Variants in RANBP2 observed in about 807,000 individuals in gnomAD.
RANBP2 encodes the protein E3 SUMO-protein ligase RanBP2.
RANBP2 carries 57 observed loss-of-function variants against 303.6 expected under a neutral mutation model. The ratio of observed to expected loss-of-function variants is 0.19; its 90% CI spans 0.15 to 0.23. The LOEUF is 0.23. Among genes scored for constraint, RANBP2 ranks in the 10% least tolerant of loss-of-function variants. RANBP2 has a pLI of 1.00. For missense variants in RANBP2, 3,138 were observed against 3,780.8 expected (o/e 0.83, Z 4.46); for synonymous variants, 1,167 against 1,301.5 (o/e 0.90, Z 2.23).
At chr2:109,453,806 G>A in the RANBP2 span, among the ~76,000 whole-genome samples, 4 of 152,196 alleles carry the variant, frequency 2.6e-5, no homozygotes, top group African/African-American at 7.2e-5. Flanking sequence ...GAGGGTCACC[G>A]ACAAAGGCGC....
chr2:109,034,270 CAAA>C, the RANBP2 span, among the ~76,000 whole-genome samples: 5 of 38,108 alleles, frequency 1.3e-4, no homozygotes, highest in East Asian at 1.8e-3. Context: ...GACTCCATCT[CAAA>C]AAAAAAAAAA....
the RANBP2 span, among the ~76,000 whole-genome samples, chr2:109,486,817 C>T: frequency 6.6e-6 from 1 of 152,162 alleles, no homozygotes; most frequent in East Asian, 1.9e-4. Flanking sequence ...CGACAGCAGC[C>T]CATCACTTCC....
At chr2:108,975,198 TG>T in the RANBP2 span, among the ~76,000 whole-genome samples, 1 of 152,132 alleles carries the variant, frequency 6.6e-6, no homozygotes, top group East Asian at 1.9e-4. Flanking sequence ...CCAGCCTGTG[TG>T]GGAAGGGGCA....
the RANBP2 span, among the ~76,000 whole-genome samples, chr2:108,931,492 T>TC: frequency 1.3e-5 from 2 of 152,182 alleles, no homozygotes; most frequent in Admixed American, 1.3e-4. Flanking sequence ...TTAGTGTTCT[T>TC]CCCTCTCTCT....
the RANBP2 span, among the ~76,000 whole-genome samples, chr2:108,907,622 TGGGTG>T: frequency 6.6e-6 from 1 of 150,960 alleles, no homozygotes; most frequent in Non-Finnish European, 1.5e-5. Context: ...CACTCCAGGC[TGGGTG>T]ACAGAGCAAG....
chr2:109,412,577 G>A, the RANBP2 span, among the ~76,000 whole-genome samples: 39 of 152,166 alleles, frequency 2.6e-4, no homozygotes, highest in Non-Finnish European at 5.3e-4. Context: ...AGCCCCTGCT[G>A]GTGCTGCAGG....
the RANBP2 span, among the ~76,000 whole-genome samples, chr2:109,150,950 G>T: frequency 6.6e-6 from 1 of 152,304 alleles, no homozygotes; most frequent in East Asian, 1.9e-4. Flanking sequence ...TTATTTCAAG[G>T]TGCTGATGGG....
the RANBP2 span, among the ~76,000 whole-genome samples, chr2:109,485,949 G>A: frequency 6.6e-6 from 1 of 152,220 alleles, no homozygotes; most frequent in African/African-American, 2.4e-5. Flanking sequence ...CCTTCTGTCT[G>A]GGAAGGTGGG....
At chr2:109,240,260 G>A in the RANBP2 span, among the ~76,000 whole-genome samples, 4 of 152,164 alleles carry the variant, frequency 2.6e-5, no homozygotes. Flanking sequence ...AGCACTTTGG[G>A]AGGCCCAGGA....
the RANBP2 span, chr2:108,846,693 T>G: frequency 2.6e-6 from 4 of 1,526,776 alleles, no homozygotes; most frequent in Non-Finnish European, 3.6e-6. Context: ...AAAGATATAT[T>G]CTGAACATGA....
At chr2:109,518,328 A>G in the RANBP2 span, among the ~76,000 whole-genome samples, 2 of 151,992 alleles carry the variant, frequency 1.3e-5, no homozygotes, top group Non-Finnish European at 2.9e-5. Flanking sequence ...TGGGCCCTTT[A>G]CTCCATCATC....
Position 108,762,105 on chromosome 2 carries a change from A to C in RANBP2, c.2607A>C (p.Ala869=). 2 of 1,596,578 alleles carry C rather than the reference A, an allele frequency of 1.3e-6. No individual in the cohort carries two copies. ...ATTTTCTTTTTGTTTTTTTAGTTGCAACTACTGGCCCTTCAGTATATTATA... is the reference window on the plus strand; with the variant it reads ...ATTTTCTTTTTGTTTTTTTAGTTGCCACTACTGGCCCTTCAGTATATTATA... ...QTFHGAPLTV[A]TTGPSVYYSQ... The change falls in exon 19 of 29, where the codon GCA becomes GCC. Residue 869 remains alanine, a synonymous_variant. Coordinates refer to ENST00000283195, the MANE Select transcript of RANBP2 (RefSeq NM_006267.5).
At chr2:109,714,254 TTG>T in the RANBP2 span, among the ~76,000 whole-genome samples, 68 of 149,268 alleles carry the variant, frequency 4.6e-4, no homozygotes, top group East Asian at 1.8e-3. Context: ...CCTGGCTAAT[TTG>T]TGTGTGTGTG....
the RANBP2 span, among the ~76,000 whole-genome samples, chr2:109,287,303 T>G: frequency 9.4e-4 from 143 of 152,334 alleles, no homozygotes; most frequent in African/African-American, 3.3e-3. Context: ...GGATTCCTGA[T>G]GCCCTGGTGG....
intron 24 of RANBP2, 51 bp from the exon 25 acceptor site, chr2:108,777,079 T>C (rs760216762): frequency 6.6e-7 from 1 of 1,519,574 alleles, no homozygotes; most frequent in East Asian, 2.3e-5. Context: ...GGTAAAGCTT[T>C]GATATTCAGC....
chr2:108,768,365 A>C lies in RANBP2; in HGVS notation c.7826A>C (p.Tyr2609Ser), dbSNP rs1573822989. 1 of 1,611,634 alleles carries C rather than the reference A, an allele frequency of 6.2e-7. No homozygotes were observed. The highest frequency in any genetic ancestry group is 8.5e-7 in the Non-Finnish European group (1 of 1,179,858). The stretch of plus-strand genomic sequence containing the variant: ...CCAACGGAAGAATCTTCAATCAACT[A>C]CACATTTAAAACACCAGAAAAGGGT... ...SFPTEESSINYTFKTPEKAKE... is the reference protein window; with the variant it reads ...SFPTEESSINSTFKTPEKAKE... Residue 2609 changes from tyrosine to serine, a missense_variant, in exon 20 of 29, where the codon TAC becomes TCC. Physicochemically the swap from Tyr to Ser is moderately radical, Grantham distance 144 (BLOSUM62 -2). This residue lies in a region of RANBP2 where 497 missense variants were observed against 465.8 expected (regional missense o/e 1.07). Transcript: ENST00000283195.
chr2:109,132,264 G>C, the RANBP2 span, among the ~76,000 whole-genome samples: 1 of 152,080 alleles, frequency 6.6e-6, no homozygotes, highest in Non-Finnish European at 1.5e-5. Context: ...TACTTTTTAG[G>C]TATATAGGTA....
At chr2:108,943,690 CCTTTCTTGGCT>C in the RANBP2 span, among the ~76,000 whole-genome samples, 1 of 152,180 alleles carries the variant, frequency 6.6e-6, no homozygotes, top group African/African-American at 2.4e-5. Flanking sequence ...CAGCAGCCAT[CCTTTCTTGGCT>C]CTTTCTTGGT....
chr2:109,493,061 C>T, the RANBP2 span, among the ~76,000 whole-genome samples: 1 of 88,210 alleles, frequency 1.1e-5, no homozygotes, highest in Non-Finnish European at 2.5e-5. Context: ...ATCATACAAA[C>T]ACACACACCA....
Sources: allele counts gnomAD v4.1 joint callset (sites outside exome capture counted in the v4.1 genomes callset), GRCh38; gene constraint gnomAD v4.1.1; regional missense constraint gnomAD v4.1.1; transcripts MANE v1.5; gene names NCBI Gene and HGNC (gene_info 2026-07-23, HGNC 2026-07-21).